The following OTUD7A variants were observed in gnomAD, a reference collection of about 807,000 sequenced individuals.
The protein encoded by OTUD7A is OTU domain-containing protein 7A.
Under a neutral mutation model 65.7 loss-of-function variants are expected in OTUD7A, and 12 were observed. The ratio of observed to expected loss-of-function variants is 0.18; its 90% CI spans 0.12 to 0.30. The LOEUF (loss-of-function observed/expected upper bound fraction) is 0.30. OTUD7A is among the 10% of genes least tolerant of loss of function. The probability of loss-of-function intolerance (pLI) is 1.00; values close to 1 mark genes in which losing one functional copy is unlikely to be tolerated. For synonymous variants in OTUD7A, 641 were observed against 586.3 expected (o/e 1.09, Z -1.35); for missense variants, 1,148 against 1,304.8 (o/e 0.88, Z 1.85).
intron 3 of OTUD7A, among the ~76,000 whole-genome samples, chr15:31,605,813 A>C (rs1293882346): frequency 1.3e-5 from 2 of 152,192 alleles, no homozygotes; most frequent in Non-Finnish European, 2.9e-5. Flanking sequence ...ACTCCTGAGC[A>C]GACTCTGCTC....
At chr15:31,571,788 T>C (rs1889062620) in intron 3 of OTUD7A, among the ~76,000 whole-genome samples, 1 of 152,174 alleles carries the variant, frequency 6.6e-6, no homozygotes, top group Admixed American at 6.5e-5. Context: ...CACGGACTTA[T>C]CTATACTCCG....
At chr15:31,634,809 CT>C (rs899494079) in intron 3 of OTUD7A, among the ~76,000 whole-genome samples, 2 of 152,190 alleles carry the variant, frequency 1.3e-5, no homozygotes, top group Middle Eastern at 6.3e-3. Flanking sequence ...GTCTGGGGCC[CT>C]TTTTTCCTGA....
At chr15:31,566,101 G>A (rs952181656) in intron 4 of OTUD7A, among the ~76,000 whole-genome samples, 4 of 151,442 alleles carry the variant, frequency 2.6e-5, no homozygotes, top group East Asian at 1.9e-4. Context: ...TGAAGCAGGA[G>A]AATGGTGTGA....
chr15:31,614,324 T>C (rs1269310584), intron 3 of OTUD7A, among the ~76,000 whole-genome samples: 1 of 151,842 alleles, frequency 6.6e-6, no homozygotes, highest in East Asian at 1.9e-4. Context: ...AGACAATGAC[T>C]GAGAATTTTC....
chr15:31,587,967 G>T (rs986475303), intron 3 of OTUD7A, among the ~76,000 whole-genome samples: 6 of 151,914 alleles, frequency 3.9e-5, no homozygotes, highest in African/African-American at 1.2e-4. Flanking sequence ...GGCTCTCCCT[G>T]ACCTTTTTAT....
chr15:31,538,645 G>A (rs1887883788), intron 5 of OTUD7A, among the ~76,000 whole-genome samples: 1 of 152,060 alleles, frequency 6.6e-6, no homozygotes, highest in East Asian at 1.9e-4. Flanking sequence ...TAACTTCTCT[G>A]ACCTATATGA....
intron 5 of OTUD7A, among the ~76,000 whole-genome samples, chr15:31,531,203 T>G (rs1234755209): frequency 6.6e-6 from 1 of 152,226 alleles, no homozygotes; most frequent in Non-Finnish European, 1.5e-5. Flanking sequence ...CATATTTCAT[T>G]TGATTCATCA....
At chr15:31,667,638 T>C (rs1892356701) in intron 1 of OTUD7A, among the ~76,000 whole-genome samples, 3 of 152,244 alleles carry the variant, frequency 2.0e-5, no homozygotes, top group Admixed American at 2.0e-4. Context: ...AATGTTATTA[T>C]TGAGATGTGA....
At chr15:31,676,283 A>G (rs971986767) in intron 1 of OTUD7A, among the ~76,000 whole-genome samples, 2 of 152,000 alleles carry the variant, frequency 1.3e-5, no homozygotes, top group African/African-American at 2.4e-5. Flanking sequence ...CTTATTGCCA[A>G]CAGACCTTTG....
At chr15:31,704,759 C>T (rs540783027) in intron 1 of OTUD7A, among the ~76,000 whole-genome samples, 2 of 66,728 alleles carry the variant, frequency 3.0e-5, no homozygotes, top group African/African-American at 8.9e-5. Context: ...TGACGGTTCA[C>T]AAGATGCACT....
chr15:31,573,157 A>G (rs1359628571), intron 3 of OTUD7A, among the ~76,000 whole-genome samples: 3 of 152,206 alleles, frequency 2.0e-5, no homozygotes, highest in Non-Finnish European at 2.9e-5. Context: ...GGTTAGCAAC[A>G]TACTTCTTGG....
rs1204749791 is a variant in OTUD7A at position 31,482,925 on chromosome 15, A to G, written c.*369T>C. The G allele has an allele frequency of 1.2e-5, 1 of 85,224 alleles. No homozygotes were observed. Among genetic ancestry groups the G allele is most frequent in the East Asian group, 5.4e-4 (1 of 1,844 alleles). 5.3% of individuals were successfully genotyped at this position (85,224 alleles called of 1,614,324 possible). A position where few individuals can be genotyped will look rare whatever the true frequency, so the allele number is the denominator to read the frequency against. On this transcript the variant is annotated 3_prime_UTR_variant, in exon 13 of 13. Transcript: ENST00000307050. Reference sequence around the variant, plus strand: ...AAGAGGTCATCGCTAGGGTAGGAGAAAAAAAAAAAAGCAAAAAAAGCATGT... The same window carrying G: ...AAGAGGTCATCGCTAGGGTAGGAGAGAAAAAAAAAAGCAAAAAAAGCATGT...
intron 5 of OTUD7A, among the ~76,000 whole-genome samples, chr15:31,554,136 C>T (rs1398675902): frequency 6.6e-6 from 1 of 152,174 alleles, no homozygotes; most frequent in East Asian, 1.9e-4. Context: ...CTGTTGCTGC[C>T]TCCCTCCCTG....
At chr15:31,537,907 G>A (rs77891032) in intron 5 of OTUD7A, among the ~76,000 whole-genome samples, 3 of 152,152 alleles carry the variant, frequency 2.0e-5, no homozygotes, top group African/African-American at 7.2e-5. Flanking sequence ...GCATTTCTGC[G>A]GCAGACCTCG....
intron 3 of OTUD7A, among the ~76,000 whole-genome samples, chr15:31,627,838 T>G (rs1891010203): frequency 6.6e-6 from 1 of 152,200 alleles, no homozygotes; most frequent in Admixed American, 6.5e-5. Context: ...TCTCTGATGG[T>G]CAGTGATGAT....
rs557165735 is a variant in OTUD7A, at chr15:31,779,844, G to A, written c.-100+90663C>T. Reference sequence around the variant, plus strand: ...CCTTGGTCCTCCTGGATCTGTTGTCGGTAAGATGGGGGTTTGGAACTCATT... The same window carrying A: ...CCTTGGTCCTCCTGGATCTGTTGTCAGTAAGATGGGGGTTTGGAACTCATT... On this transcript the variant is annotated intron_variant, in intron 1 of 12. Coordinates refer to ENST00000307050, the MANE Select transcript of OTUD7A (RefSeq NM_001382637.1). Among the ~76,000 whole-genome samples the A allele has an allele frequency of 3.4e-4, 52 of 152,118 alleles. No homozygotes were observed. In the South Asian group the frequency reaches 5.8e-3, roughly 17 times the overall value.
At chr15:31,778,482 T>C (rs755008576) in intron 1 of OTUD7A, among the ~76,000 whole-genome samples, 1 of 152,234 alleles carries the variant, frequency 6.6e-6, no homozygotes, top group Non-Finnish European at 1.5e-5. Context: ...GCACATGCTC[T>C]AGTTGACCAA....
chr15:31,532,208 T>G (rs1334419399), intron 5 of OTUD7A, among the ~76,000 whole-genome samples: 1 of 152,128 alleles, frequency 6.6e-6, no homozygotes. Flanking sequence ...ATGACAGATG[T>G]TAGAGTTATC....
chr15:31,813,728 A>G (rs1039486714), intron 1 of OTUD7A, among the ~76,000 whole-genome samples: 1 of 152,250 alleles, frequency 6.6e-6, no homozygotes, highest in Non-Finnish European at 1.5e-5. Flanking sequence ...TTTTAACATC[A>G]TGAAACATAA....
Sources: allele counts gnomAD v4.1 joint callset (sites outside exome capture counted in the v4.1 genomes callset), GRCh38; gene constraint gnomAD v4.1.1; transcripts MANE v1.5; gene names NCBI Gene and HGNC (gene_info 2026-07-23, HGNC 2026-07-21).